The following PLCL1 variants were observed in gnomAD, a reference collection of about 807,000 sequenced individuals.
PLCL1 encodes the protein phospholipase C like 1 (inactive), also known as inactive phospholipase C-like protein 1.
In PLCL1, 41 loss-of-function variants were observed where a neutral mutation model predicts 84.4. The ratio of observed to expected loss-of-function variants is 0.49; its 90% confidence interval spans 0.38 to 0.63. The LOEUF is 0.63. PLCL1 is among the 30% of genes least tolerant of loss of function. The pLI, the probability that PLCL1 is intolerant of heterozygous loss-of-function variation, is 0.00. For missense variants in PLCL1, 1,206 were observed against 1,367.8 expected (o/e 0.88, Z 1.87); for synonymous variants, 490 against 488.3 (o/e 1.00, Z -0.05).
At chr2:197,821,656 G>A (rs1378508000) in intron 1 of PLCL1, among the ~76,000 whole-genome samples, 2 of 152,090 alleles carry the variant, frequency 1.3e-5, no homozygotes, top group African/African-American at 4.8e-5. Context: ...TTAAGGAAGT[G>A]ACCCATAAGT....
chr2:197,923,227 C>T (rs1280112595), intron 1 of PLCL1, among the ~76,000 whole-genome samples: 9 of 148,738 alleles, frequency 6.1e-5, no homozygotes, highest in Non-Finnish European at 7.5e-5. Context: ...ACCTCCCTCC[C>T]GGATGGGGCG....
At chr2:198,136,011 G>A in intron 5 of PLCL1, among the ~76,000 whole-genome samples, 1 of 152,112 alleles carries the variant, frequency 6.6e-6, no homozygotes, top group East Asian at 1.9e-4. Flanking sequence ...TAATGCAATT[G>A]TCATTTTTAT....
chr2:198,010,658 G>T, intron 1 of PLCL1, among the ~76,000 whole-genome samples: 1 of 151,826 alleles, frequency 6.6e-6, no homozygotes. Context: ...GATAATGCTA[G>T]CCTCATAGAA....
intron 1 of PLCL1, among the ~76,000 whole-genome samples, chr2:198,021,660 C>G (rs1241271321): frequency 1.3e-5 from 2 of 152,094 alleles, no homozygotes; most frequent in Non-Finnish European, 2.9e-5. Flanking sequence ...TGGATAAATT[C>G]CTGGACACAC....
rs1223736513 is a variant in PLCL1, at chr2:197,866,036, A to ATATATATAT, written c.240+60697_240+60698insTATATATAT. On this transcript the variant is annotated intron_variant, in intron 1 of 5. Coordinates refer to ENST00000428675, the MANE Select transcript of PLCL1 (RefSeq NM_006226.4). ...AAAAAAAAAAAAAAAAAAAAAAAAA[A>ATATATATAT]ATATATATATATATATACACACACA... Among the ~76,000 whole-genome samples the ATATATATAT allele has an allele frequency of 1.1e-4, 3 of 28,250 alleles. 1 individual carries two copies. The highest frequency in any genetic ancestry group is 1.8e-4 in the Non-Finnish European group (3 of 16,864). The allele number at this position is 28,250 out of a possible 152,430, so 18.5% of individuals were successfully genotyped here.
chr2:198,131,692 C>G (rs1215868355), intron 5 of PLCL1, among the ~76,000 whole-genome samples: 2 of 152,180 alleles, frequency 1.3e-5, no homozygotes, highest in Non-Finnish European at 2.9e-5. Flanking sequence ...CTGGTTTTCT[C>G]TGCAAGAAGC....
At chr2:198,019,627 AAGGATATCAGAG>A (rs1192023182) in intron 1 of PLCL1, among the ~76,000 whole-genome samples, 4 of 152,230 alleles carry the variant, frequency 2.6e-5, no homozygotes, top group African/African-American at 9.7e-5. Context: ...AAGTGAAAGA[AAGGATATCAGAG>A]ATTGAAGATC....
intron 5 of PLCL1, among the ~76,000 whole-genome samples, chr2:198,136,614 C>A (rs967815484): frequency 6.6e-6 from 1 of 152,070 alleles, no homozygotes. Flanking sequence ...GTTCTGCCAT[C>A]TTGGGCAGCC....
intron 5 of PLCL1, among the ~76,000 whole-genome samples, chr2:198,122,962 A>G (rs1342891190): frequency 1.3e-5 from 2 of 152,110 alleles, no homozygotes; most frequent in Non-Finnish European, 2.9e-5. Flanking sequence ...GCTAATAGCT[A>G]ATGAGTGGCA....
intron 1 of PLCL1, among the ~76,000 whole-genome samples, chr2:197,813,767 G>A (rs1452291160): frequency 1.3e-5 from 2 of 152,076 alleles, no homozygotes; most frequent in Non-Finnish European, 1.5e-5. Flanking sequence ...TAAGTGACTT[G>A]CCTAAGGTCA....
intron 1 of PLCL1, among the ~76,000 whole-genome samples, chr2:197,967,132 G>GCTC (rs1341518913): frequency 6.6e-6 from 1 of 152,070 alleles, no homozygotes; most frequent in African/African-American, 2.4e-5. Context: ...GTGAGAACTT[G>GCTC]CTCCTGCAAC....
At chr2:197,840,100 T>G (rs895590295) in intron 1 of PLCL1, among the ~76,000 whole-genome samples, 10 of 152,322 alleles carry the variant, frequency 6.6e-5, no homozygotes, top group African/African-American at 2.4e-4. Flanking sequence ...TCTATGTTTC[T>G]AAGGAAAGAG....
At chr2:197,945,522 G>A (rs575664219) in intron 1 of PLCL1, among the ~76,000 whole-genome samples, 2 of 152,160 alleles carry the variant, frequency 1.3e-5, no homozygotes, top group African/African-American at 2.4e-5. Flanking sequence ...TCTATTTCAC[G>A]GTCAACAGTG....
intron 1 of PLCL1, among the ~76,000 whole-genome samples, chr2:198,062,688 A>G (rs1692229871): frequency 6.6e-6 from 1 of 152,114 alleles, no homozygotes; most frequent in Non-Finnish European, 1.5e-5. Flanking sequence ...GTGTTTTCAA[A>G]TTTTCCTGAC....
intron 1 of PLCL1, among the ~76,000 whole-genome samples, chr2:197,897,171 CTTCTTCTT>C (rs1688160106): frequency 3.2e-5 from 1 of 30,932 alleles, no homozygotes; most frequent in African/African-American, 2.3e-4. Flanking sequence ...TCTTCTTCTT[CTTCTTCTT>C]CTTCTTCTTC....
intron 1 of PLCL1, among the ~76,000 whole-genome samples, chr2:198,015,112 A>T (rs1423761286): frequency 6.6e-6 from 1 of 152,152 alleles, no homozygotes; most frequent in African/African-American, 2.4e-5. Context: ...ACTCCACTAG[A>T]AACAGGCTAT....
At chr2:198,011,195 TAA>T (rs1690860877) in intron 1 of PLCL1, among the ~76,000 whole-genome samples, 1 of 151,972 alleles carries the variant, frequency 6.6e-6, no homozygotes, top group Non-Finnish European at 1.5e-5. Context: ...ACTGAAGGTA[TAA>T]ATTTAGGTTG....
At chr2:197,842,088 C>T (rs1687016170) in intron 1 of PLCL1, among the ~76,000 whole-genome samples, 1 of 152,142 alleles carries the variant, frequency 6.6e-6, no homozygotes. Context: ...TCTAAGATTG[C>T]CCATTAGGAA....
At position 197,868,149 on chromosome 2, in the gene PLCL1, T is replaced by C. The variant is rs565988747; in HGVS notation, c.240+62810T>C. On this transcript the variant is annotated intron_variant, in intron 1 of 5. Transcript: ENST00000428675. ...ACTGCTGGAAGTTTTGTGAACCTTT[T>C]ATGTCCAGTCAAAACTGCAAACTCT... Among the ~76,000 whole-genome samples the C allele has an allele frequency of 3.9e-5, 6 of 152,310 alleles. No individual in the cohort carries two copies. In the East Asian group the frequency reaches 1.2e-3, roughly 29 times the overall value.
Sources: allele counts gnomAD v4.1 joint callset (sites outside exome capture counted in the v4.1 genomes callset), GRCh38; gene constraint gnomAD v4.1.1; transcripts MANE v1.5; gene names NCBI Gene and HGNC (gene_info 2026-07-23, HGNC 2026-07-21).